The following CEP131 variants were observed in gnomAD, a reference collection of about 807,000 sequenced individuals.
The protein encoded by CEP131 is centrosomal protein of 131 kDa.
Under a neutral mutation model 136.8 loss-of-function variants are expected in CEP131, and 99 were observed. The observed-to-expected ratio is 0.72, with a 90% CI of 0.62 to 0.86. CEP131 has a LOEUF of 0.86. Ranked by LOEUF, CEP131 falls within the 40% of genes least tolerant of loss-of-function variation. CEP131 has a pLI of 0.00. For missense variants in CEP131, 1,459 were observed against 1,463.0 expected (o/e 1.00, Z 0.04); for synonymous variants, 646 against 612.7 (o/e 1.05, Z -0.80).
intron 7 of CEP131, among the ~76,000 whole-genome samples, chr17:81,201,961 C>T (rs964407750): frequency 2.6e-5 from 4 of 152,004 alleles, no homozygotes; most frequent in South Asian, 2.1e-4. Context: ...ATTAGCCAGG[C>T]GTGGTGGCGG....
rs1456317281 is a variant in CEP131 at position 81,192,838 on chromosome 17, T to G, written c.2327A>C (p.Gln776Pro). 1.9e-6 allele frequency: 3 copies of G among 1,597,470 alleles called. No homozygotes were observed. The East Asian group carries it at 6.7e-5, about 36-fold the overall frequency. The stretch of plus-strand genomic sequence containing the variant: ...CCACTGCTCCTGCTCCAGGTGCTGC[T>G]GGAACCTGCGGGACGGTCAGGACTG... ...QERERARQRF[Q>P]QHLEQEQWAL... The change falls in exon 19 of 26, where the codon CAG becomes CCG. Residue 776 changes from glutamine to proline, a missense_variant. Around this residue, in one of 3 missense-constraint regions of CEP131, gnomAD observed 1,026 missense variants for 964.2 expected, o/e 1.06. Transcript: ENST00000450824.
rs1428340424 is a variant in CEP131, at chr17:81,203,551, G to T, written c.572C>A (p.Thr191Asn). The T allele has an allele frequency of 2.5e-6, 4 of 1,608,964 alleles. No homozygotes were observed. Among genetic ancestry groups the T allele is most frequent in the Non-Finnish European group, 3.4e-6 (4 of 1,178,336 alleles). ...CVTTMVHNRY[T>N]PSERAPPLKS... ...GAGCGGAGGCGCCCTCTCCGAGGGGGTGTAGCGGTTGTGCACCATGGTGGT... is the reference window on the plus strand; with the variant it reads ...GAGCGGAGGCGCCCTCTCCGAGGGGTTGTAGCGGTTGTGCACCATGGTGGT... The change falls in exon 6 of 26, where the codon ACC (threonine) becomes AAC (asparagine). Residue 191 changes from threonine to asparagine, a missense_variant. Around this residue, in one of 3 missense-constraint regions of CEP131, gnomAD observed 246 missense variants for 318.9 expected, o/e 0.77. Coordinates refer to ENST00000450824, the MANE Select transcript of CEP131 (RefSeq NM_014984.4). This position sits in a 1 kb window ranked among gnomAD's most constrained non-coding sequence, Gnocchi z 4.6.
chr17:81,198,830 C>T, intron 11 of CEP131, 47 bp downstream of exon 11: 1 of 1,541,374 alleles, frequency 6.5e-7, no homozygotes. Context: ...AGACATGGCC[C>T]TTAAAGCCAA....
At chr17:81,205,557 G>A (rs935024744) in intron 5 of CEP131, among the ~76,000 whole-genome samples, 5 of 151,546 alleles carry the variant, frequency 3.3e-5, no homozygotes, top group Non-Finnish European at 7.4e-5. Context: ...CTATGGTGCT[G>A]TTTGACATTT....
chr17:81,209,034 G>A lies in CEP131; in HGVS notation c.178-12C>T. On this transcript the variant is annotated splice_polypyrimidine_tract_variant and intron_variant, in intron 2 of 25. Coordinates refer to ENST00000450824, the MANE Select transcript of CEP131 (RefSeq NM_014984.4). The stretch of plus-strand genomic sequence containing the variant: ...GGCCCTGTGGCCTCCTGCAAAAAGG[G>A]AGAAAACAGTTAATTATGCAGCAAA... 2 of 1,590,298 alleles carry A rather than the reference G, an allele frequency of 1.3e-6. No individual in the cohort carries two copies. Among genetic ancestry groups the A allele is most frequent in the Non-Finnish European group, 1.7e-6 (2 of 1,160,076 alleles).
At chr17:81,198,748 C>A in intron 11 of CEP131, 129 bp downstream of exon 11, 1 of 921,832 alleles carries the variant, frequency 1.1e-6, no homozygotes, top group Non-Finnish European at 1.6e-6. Flanking sequence ...CCTGGGTGGC[C>A]TCTCTGAGCT....
chr17:81,204,874 C>G (rs2061970116), intron 5 of CEP131, among the ~76,000 whole-genome samples: 1 of 151,568 alleles, frequency 6.6e-6, no homozygotes, highest in Non-Finnish European at 1.5e-5. Context: ...CGCGGCTCAT[C>G]TGCCAATTTG....
chr17:81,206,969 A>C (rs1049976198), intron 4 of CEP131, 98 bp from the exon 5 acceptor site: 1 of 1,547,550 alleles, frequency 6.5e-7, no homozygotes, highest in Admixed American at 1.9e-5. Context: ...CCAACTTCCC[A>C]TACAGACAGG....
chr17:81,197,768 T>C lies in CEP131; in HGVS notation c.1591A>G (p.Ser531Gly). ...LSEAKLQSIM[S>G]FLDEMEKSGQ... ...GACTTCTCCATCTCGTCCAAGAAGC[T>C]CATGATGCTTTGTAGCTTGGCCTCC... Residue 531 changes from serine (S) to glycine (G), a missense_variant, in exon 13 of 26, where the codon AGC (serine) becomes GGC (glycine). Physicochemically the swap from Ser to Gly is moderately conservative, Grantham distance 56 (BLOSUM62 0). Around this residue, in one of 3 missense-constraint regions of CEP131, gnomAD observed 1,026 missense variants for 964.2 expected, o/e 1.06. Transcript: ENST00000450824. 10 of 1,613,150 alleles carry C rather than the reference T, an allele frequency of 6.2e-6. No individual in the cohort carries two copies. Among genetic ancestry groups the C allele is most frequent in the Non-Finnish European group, 8.5e-6 (10 of 1,179,916 alleles).
At chr17:81,220,457 C>A (rs982946444) in intron 1 of CEP131, among the ~76,000 whole-genome samples, 6 of 152,178 alleles carry the variant, frequency 3.9e-5, no homozygotes, top group Admixed American at 1.3e-4. Flanking sequence ...CCGAGCCCCA[C>A]TGTTTTCTTC....
chr17:81,214,979 G>A (rs961145924), intron 2 of CEP131, among the ~76,000 whole-genome samples: 10 of 151,696 alleles, frequency 6.6e-5, no homozygotes, highest in Admixed American at 5.9e-4. Context: ...GGGTTTCACC[G>A]TGTTAGCCAG....
In CEP131 at chr17:81,195,706, C is replaced by G. The variant is rs919099000; in HGVS notation, c.2016+129G>C. Reference sequence around the variant, plus strand: ...TGCTCCCCCAGACAGCCCCACCCACCGCTGTGGCCCTGACACACCGAGACA... The same window carrying G: ...TGCTCCCCCAGACAGCCCCACCCACGGCTGTGGCCCTGACACACCGAGACA... On this transcript the variant is annotated intron_variant, in intron 16 of 25. Transcript: ENST00000450824. The G allele has an allele frequency of 6.3e-6, 5 of 787,822 alleles. No individual in the cohort carries two copies. The Admixed American group carries it at 9.0e-5, about 14-fold the overall frequency. The allele number at this position is 787,822 out of a possible 1,614,324, so 48.8% of individuals were successfully genotyped here. A position where few individuals can be genotyped will look rare whatever the true frequency, so the allele number is the denominator to read the frequency against.
At chr17:81,205,040 C>A (rs541288637) in intron 5 of CEP131, among the ~76,000 whole-genome samples, 2 of 152,188 alleles carry the variant, frequency 1.3e-5, no homozygotes, top group South Asian at 4.2e-4. Flanking sequence ...GCGGGTGGAT[C>A]ACAAGGTTAG....
intron 24 of CEP131, 122 bp downstream of exon 24, chr17:81,190,517 G>A (rs2043042403): frequency 3.2e-6 from 4 of 1,257,954 alleles, no homozygotes; most frequent in Non-Finnish European, 4.2e-6. Context: ...CTGTCTACAG[G>A]GCCCTGTCTC....
intron 21 of CEP131, 41 bp from the exon 22 acceptor site, chr17:81,191,376 C>G: frequency 1.2e-6 from 2 of 1,609,602 alleles, no homozygotes; most frequent in South Asian, 2.2e-5. Context: ...CACCCGGAGC[C>G]GGCCCGCGGG....
rs776508993 is a variant in CEP131, at chr17:81,222,911, G to C, written c.-160C>G. The C allele has an allele frequency of 6.6e-6, 1 of 152,302 alleles. No individual in the cohort carries two copies. Among genetic ancestry groups the C allele is most frequent in the African/African-American group, 2.4e-5 (1 of 41,464 alleles). 9.4% of individuals were successfully genotyped at this position (152,302 alleles called of 1,614,324 possible). On this transcript the variant is annotated 5_prime_UTR_variant, in exon 1 of 26. Transcript: ENST00000450824. ...GCCCCGCCACCCCCAACACTGCCCC[G>C]AGGCCCGGTGACAATGAAGCGGCCG...
chr17:81,190,544 C>A (rs2146472351), intron 24 of CEP131, 95 bp downstream of exon 24: 1 of 1,402,488 alleles, frequency 7.1e-7, no homozygotes, highest in East Asian at 2.6e-5. Flanking sequence ...TCCTGGCCTT[C>A]CTCAGCCACA....
At chr17:81,192,642 C>A in intron 19 of CEP131, 49 bp from the exon 20 acceptor site, 1 of 1,101,650 alleles carries the variant, frequency 9.1e-7, no homozygotes, top group South Asian at 1.2e-5. Flanking sequence ...AGTAAGGAGT[C>A]AGGGATGGGA....
At chr17:81,207,896 A>ACAC (rs2062041929) in intron 3 of CEP131, among the ~76,000 whole-genome samples, 1 of 151,274 alleles carries the variant, frequency 6.6e-6, no homozygotes. Flanking sequence ...CCACACACAC[A>ACAC]CATACACCAC....
Sources: gnomAD v4.1 joint callset for allele counts (sites outside exome capture counted in the v4.1 genomes callset) on GRCh38, gnomAD v4.1.1 for gene constraint, gnomAD v4.1.1 regional missense constraint, Gnocchi (gnomAD v3.1) non-coding constraint, MANE v1.5 for transcripts, NCBI Gene and HGNC (gene_info 2026-07-23, HGNC 2026-07-21) for gene names.